The following BBX variants were observed in gnomAD, a reference collection of about 807,000 sequenced individuals.
BBX encodes the protein BBX high mobility group box domain containing.
Under a neutral mutation model 100.2 loss-of-function variants are expected in BBX, and 30 were observed. The ratio of observed to expected loss-of-function variants is 0.30; its 90% CI spans 0.22 to 0.41. The LOEUF is 0.41. Ranked by LOEUF, BBX falls within the 10% of genes least tolerant of loss-of-function variation. BBX has a pLI of 1.00. For synonymous variants in BBX, 376 were observed against 388.1 expected (o/e 0.97, Z 0.37); for missense variants, 1,023 against 1,129.8 (o/e 0.91, Z 1.35).
At chr3:107,765,136 A>G (rs927018980) in intron 10 of BBX, among the ~76,000 whole-genome samples, 1 of 152,256 alleles carries the variant, frequency 6.6e-6, no homozygotes, top group Non-Finnish European at 1.5e-5. Flanking sequence ...CATGCTATTA[A>G]TGATACTAAT....
At chr3:107,652,045 T>G (rs1559920759) in intron 3 of BBX, among the ~76,000 whole-genome samples, 1 of 152,198 alleles carries the variant, frequency 6.6e-6, no homozygotes, top group African/African-American at 2.4e-5. Context: ...TGTATAGTAC[T>G]TCTTTCTATT....
At chr3:107,572,543 A>T (rs1261781132) in intron 2 of BBX, among the ~76,000 whole-genome samples, 1 of 152,206 alleles carries the variant, frequency 6.6e-6, no homozygotes, top group Non-Finnish European at 1.5e-5. Context: ...TCTTCGTAAC[A>T]TTCTGATCGT....
intron 3 of BBX, among the ~76,000 whole-genome samples, chr3:107,653,335 G>A (rs1053532573): frequency 6.6e-6 from 1 of 152,112 alleles, no homozygotes; most frequent in African/African-American, 2.4e-5. Flanking sequence ...CTTCATCAGC[G>A]ACCCTGTGAG....
At chr3:107,579,270 C>A (rs1465159676) in intron 2 of BBX, among the ~76,000 whole-genome samples, 4 of 152,168 alleles carry the variant, frequency 2.6e-5, no homozygotes, top group Non-Finnish European at 5.9e-5. Context: ...TTGGGCGAAT[C>A]ATGCACTGGA....
intron 7 of BBX, among the ~76,000 whole-genome samples, chr3:107,737,745 T>C (rs1472404950): frequency 6.6e-6 from 1 of 152,118 alleles, no homozygotes. Context: ...GGAAATCACA[T>C]TGATTTTCGT....
At chr3:107,643,947 T>C (rs2057370620) in intron 2 of BBX, among the ~76,000 whole-genome samples, 1 of 152,186 alleles carries the variant, frequency 6.6e-6, no homozygotes, top group Admixed American at 6.5e-5. Flanking sequence ...TCCTGGCTTC[T>C]TAAGTCTACC....
chr3:107,696,523 G>A (rs2108135565), intron 3 of BBX, among the ~76,000 whole-genome samples: 1 of 151,738 alleles, frequency 6.6e-6, no homozygotes, highest in African/African-American at 2.4e-5. Context: ...TTGAATACTG[G>A]CCCCCACTCT....
At chr3:107,721,032 G>A (rs773900427) in intron 5 of BBX, among the ~76,000 whole-genome samples, 6 of 152,040 alleles carry the variant, frequency 3.9e-5, no homozygotes, top group Non-Finnish European at 8.8e-5. Context: ...CCTACTATTA[G>A]AGTAGCACCT....
At chr3:107,692,170 T>A (rs1014280010) in intron 3 of BBX, among the ~76,000 whole-genome samples, 2 of 148,076 alleles carry the variant, frequency 1.4e-5, no homozygotes, top group South Asian at 4.2e-4. Context: ...TTTTTAATTA[T>A]TTTATTTATT....
intron 2 of BBX, among the ~76,000 whole-genome samples, chr3:107,581,288 T>C (rs1345852558): frequency 6.6e-6 from 1 of 151,866 alleles, no homozygotes; most frequent in Non-Finnish European, 1.5e-5. Flanking sequence ...CAGTGTAGGG[T>C]GGATAAAAGA....
intron 13 of BBX, among the ~76,000 whole-genome samples, chr3:107,783,628 A>G (rs549921236): frequency 1.3e-5 from 2 of 151,988 alleles, no homozygotes; most frequent in East Asian, 3.9e-4. Context: ...CTGAGTAGTA[A>G]TTTTTCTCCT....
intron 2 of BBX, among the ~76,000 whole-genome samples, chr3:107,563,366 G>A (rs1217116401): frequency 1.3e-5 from 2 of 152,202 alleles, no homozygotes; most frequent in Non-Finnish European, 2.9e-5. Context: ...ACCACAAGGA[G>A]TGTACAAATA....
chr3:107,534,255 T>C (rs1208594655), intron 2 of BBX, among the ~76,000 whole-genome samples: 3 of 152,190 alleles, frequency 2.0e-5, no homozygotes, highest in Non-Finnish European at 4.4e-5. Flanking sequence ...TCTTTTAATA[T>C]TAAAAATGCT....
chr3:107,731,248 G>A (rs147548133), intron 6 of BBX, among the ~76,000 whole-genome samples: 18 of 152,170 alleles, frequency 1.2e-4, no homozygotes, highest in African/African-American at 3.9e-4. Context: ...AGTCACATTG[G>A]TATATAAATT....
chr3:107,558,912 G>T (rs1363836856), intron 2 of BBX, among the ~76,000 whole-genome samples: 1 of 152,114 alleles, frequency 6.6e-6, no homozygotes, highest in African/African-American at 2.4e-5. Context: ...TGACCGGGGG[G>T]AAAACAAAGA....
At chr3:107,743,081 G>A (rs546682896) in intron 7 of BBX, among the ~76,000 whole-genome samples, 5 of 152,068 alleles carry the variant, frequency 3.3e-5, no homozygotes, top group South Asian at 2.1e-4. Flanking sequence ...ATAATAATAC[G>A]TTTAATTCCA....
intron 15 of BBX, among the ~76,000 whole-genome samples, chr3:107,797,357 T>TATATATATATATATATATATATAC (rs2069812288): frequency 7.8e-6 from 1 of 128,524 alleles, no homozygotes; most frequent in African/African-American, 2.9e-5. Flanking sequence ...TATATATATA[T>TATATATATATATATATATATATAC]ATATATAGCT....
At chr3:107,670,778 A>G (rs2058979941) in intron 3 of BBX, among the ~76,000 whole-genome samples, 1 of 152,104 alleles carries the variant, frequency 6.6e-6, no homozygotes. Context: ...TTAATGAATA[A>G]TAATTATTTT....
At chr3:107,800,996 T>A (rs1532325) in intron 16 of BBX, 99 bp from the exon 17 acceptor site, 2 of 1,127,022 alleles carry the variant, frequency 1.8e-6, no homozygotes, top group Non-Finnish European at 2.6e-6. Context: ...TGGTAGAGAA[T>A]GTTAGCTCTT....
Sources: gnomAD v4.1 joint callset for allele counts (sites outside exome capture counted in the v4.1 genomes callset) on GRCh38, gnomAD v4.1.1 for gene constraint, MANE v1.5 for transcripts, NCBI Gene and HGNC (gene_info 2026-07-23, HGNC 2026-07-21) for gene names.